The following ARMC8 variants were observed in gnomAD, a reference collection of about 807,000 sequenced individuals.
ARMC8 encodes the protein armadillo repeat containing 8.
ARMC8 carries 20 observed loss-of-function variants against 99.3 expected under a neutral mutation model. The observed-to-expected ratio is 0.20, with a 90% confidence interval of 0.14 to 0.29. The LOEUF is 0.29. Among genes scored for constraint, ARMC8 ranks in the 10% least tolerant of loss-of-function variants. The pLI, the probability that ARMC8 is intolerant of heterozygous loss-of-function variation, is 1.00. For synonymous variants in ARMC8, 263 were observed against 278.3 expected (o/e 0.95, Z 0.55); for missense variants, 569 against 809.5 (o/e 0.70, Z 3.60).
At chr3:138,203,063 A>G (rs889055666) in intron 1 of ARMC8, among the ~76,000 whole-genome samples, 2 of 152,176 alleles carry the variant, frequency 1.3e-5, no homozygotes, top group Non-Finnish European at 2.9e-5. Flanking sequence ...CCTTTTTAGG[A>G]CATCTCACTA....
chr3:138,256,402 C>CTTTTTTTT (rs71146121), intron 12 of ARMC8, among the ~76,000 whole-genome samples: 47 of 90,272 alleles, frequency 5.2e-4, no homozygotes, highest in African/African-American at 1.5e-3. Context: ...TTTCCTCCTT[C>CTTTTTTTT]TTTTTTTTTT....
intron 3 of ARMC8, among the ~76,000 whole-genome samples, chr3:138,222,539 C>A (rs755832094): frequency 6.6e-6 from 1 of 152,146 alleles, no homozygotes; most frequent in Non-Finnish European, 1.5e-5. Flanking sequence ...TACATAACTT[C>A]CTCTTTACTT....
At chr3:138,282,892 A>G (rs1318761749) in intron 18 of ARMC8, among the ~76,000 whole-genome samples, 2 of 152,162 alleles carry the variant, frequency 1.3e-5, no homozygotes, top group African/African-American at 2.4e-5. Flanking sequence ...GCAGATTATT[A>G]TTGATTTCCT....
intron 18 of ARMC8, among the ~76,000 whole-genome samples, chr3:138,280,459 A>G (rs1483677807): frequency 6.7e-6 from 1 of 148,252 alleles, no homozygotes; most frequent in African/African-American, 2.5e-5. Flanking sequence ...CTGGAATTAC[A>G]GGTGCCCACC....
At chr3:138,233,597 A>G (rs1457413037) in intron 6 of ARMC8, among the ~76,000 whole-genome samples, 5 of 152,250 alleles carry the variant, frequency 3.3e-5, no homozygotes, top group Non-Finnish European at 7.3e-5. Context: ...TTAATAATAC[A>G]TAAAATATTT....
chr3:138,271,610 A>G (rs2048793676), intron 16 of ARMC8, among the ~76,000 whole-genome samples: 1 of 152,164 alleles, frequency 6.6e-6, no homozygotes, highest in Non-Finnish European at 1.5e-5. Context: ...TCTCTGCAAA[A>G]TATAAAACCT....
rs1473546297 is a variant in ARMC8, at chr3:138,187,591, G to C, written c.37G>C (p.Val13Leu). The C allele has an allele frequency of 6.5e-7, 1 of 1,535,674 alleles. No homozygotes were observed. Among genetic ancestry groups the C allele is most frequent in the Admixed American group, 2.0e-5 (1 of 50,994 alleles). ...CLLETPIRMSVLSEVTASSRH... is the reference protein window; with the variant it reads ...CLLETPIRMSLLSEVTASSRH... ...GTTGGAGACCCCAATCCGCATGAGC[G>C]TCCTTTCGGTGAGTGACCCGCCGCG... Residue 13 changes from valine (V) to leucine (L), a missense_variant, in exon 1 of 22, where the codon GTC (valine) becomes CTC (leucine). Physicochemically the swap from Val to Leu is conservative, Grantham distance 32. Coordinates refer to ENST00000469044, the MANE Select transcript of ARMC8 (RefSeq NM_001363941.2).
chr3:138,285,855 C>G (rs748936368), intron 19 of ARMC8, among the ~76,000 whole-genome samples: 2 of 152,166 alleles, frequency 1.3e-5, no homozygotes, highest in African/African-American at 4.8e-5. Context: ...AATACTAATC[C>G]ACACTGTATC....
chr3:138,281,650 A>T (rs2049939876), intron 18 of ARMC8, among the ~76,000 whole-genome samples: 1 of 152,106 alleles, frequency 6.6e-6, no homozygotes. Flanking sequence ...GAGGGGTTTT[A>T]TGAGCTTCAA....
intron 21 of ARMC8, among the ~76,000 whole-genome samples, chr3:138,293,687 T>C (rs1480195192): frequency 6.6e-6 from 1 of 152,232 alleles, no homozygotes; most frequent in Non-Finnish European, 1.5e-5. Flanking sequence ...CCTCCACAGC[T>C]GCTGGCATAA....
rs1369862137 is a variant in ARMC8 at position 138,187,521 on chromosome 3, C to T, written c.-34C>T. On this transcript the variant is annotated 5_prime_UTR_variant, in exon 1 of 22. Coordinates refer to ENST00000469044, the MANE Select transcript of ARMC8 (RefSeq NM_001363941.2). ...CTGTCGAAAGTGCCGGCCCCCGCGCCGGCGCCTGCAGCAGCCGGGTGGGAA... is the reference window on the plus strand; with the variant it reads ...CTGTCGAAAGTGCCGGCCCCCGCGCTGGCGCCTGCAGCAGCCGGGTGGGAA... The T allele has an allele frequency of 2.0e-6, 3 of 1,535,128 alleles. No individual in the cohort carries two copies. The highest frequency in any genetic ancestry group is 1.4e-5 in the African/African-American group (1 of 73,032).
At chr3:138,245,481 A>T (rs574855187) in intron 12 of ARMC8, 6 of 1,296,444 alleles carry the variant, frequency 4.6e-6, no homozygotes, top group Admixed American at 7.2e-5. Context: ...ATAAAAATCA[A>T]TTCTAGCACT....
intron 1 of ARMC8, among the ~76,000 whole-genome samples, chr3:138,193,316 A>C (rs1024805457): frequency 1.3e-5 from 2 of 151,262 alleles, no homozygotes; most frequent in Non-Finnish European, 2.9e-5. Flanking sequence ...GCTGGAGTGC[A>C]GTGGTGTGAT....
Position 138,222,009 on chromosome 3 carries a change from G to C in ARMC8, c.194+12G>C. 2 of 1,607,382 alleles carry C rather than the reference G, an allele frequency of 1.2e-6. No homozygotes were observed. The highest frequency in any genetic ancestry group is 1.7e-6 in the Non-Finnish European group (2 of 1,174,634). ...GGAGCTGTTCCAAGGTATGTTTGCT[G>C]TCTCACCCCTTTCTTGCCATTCATA... On this transcript the variant is annotated intron_variant, in intron 3 of 21. Transcript: ENST00000469044.
At chr3:138,268,395 G>C (rs1364048273) in intron 15 of ARMC8, among the ~76,000 whole-genome samples, 11 of 152,200 alleles carry the variant, frequency 7.2e-5, no homozygotes, top group African/African-American at 2.7e-4. Flanking sequence ...TCTCTGCCCT[G>C]TAGACGGGGT....
intron 1 of ARMC8, among the ~76,000 whole-genome samples, chr3:138,200,114 C>T (rs1037329640): frequency 1.3e-5 from 2 of 152,170 alleles, no homozygotes; most frequent in Non-Finnish European, 2.9e-5. Context: ...GATAAGTTAA[C>T]TGTCCTCACA....
chr3:138,243,077 T>C (rs2046702703), intron 11 of ARMC8, among the ~76,000 whole-genome samples: 1 of 152,218 alleles, frequency 6.6e-6, no homozygotes, highest in Non-Finnish European at 1.5e-5. Flanking sequence ...CAAAGATACA[T>C]GAGCAACCCT....
At chr3:138,250,863 C>T (rs1284621541) in intron 12 of ARMC8, among the ~76,000 whole-genome samples, 1 of 152,058 alleles carries the variant, frequency 6.6e-6, no homozygotes, top group Non-Finnish European at 1.5e-5. Context: ...CTAAAGATTG[C>T]TGGCTGGGCA....
In ARMC8 at chr3:138,237,548, A is replaced by G. The variant is rs2046395091; in HGVS notation, c.752A>G (p.Glu251Gly). The G allele has an allele frequency of 6.2e-7, 1 of 1,613,248 alleles. No homozygotes were observed. Among genetic ancestry groups the G allele is most frequent in the African/African-American group, 1.3e-5 (1 of 75,044 alleles). Reference protein sequence around the residue: ...VKMLQRDKPIEMQLTSAKCLT... With the variant: ...VKMLQRDKPIGMQLTSAKCLT... ...ATGTTACAGAGGGATAAGCCTATTGAGATGCAGCTCACATCAGCAAAATGG... is the reference window on the plus strand; with the variant it reads ...ATGTTACAGAGGGATAAGCCTATTGGGATGCAGCTCACATCAGCAAAATGG... Residue 251 changes from glutamate to glycine, a missense_variant, in exon 9 of 22, where the codon GAG becomes GGG. This residue lies in a region of ARMC8 where 342 missense variants were observed against 391.6 expected (regional missense o/e 0.87). Coordinates refer to ENST00000469044, the MANE Select transcript of ARMC8 (RefSeq NM_001363941.2).
Sources: allele counts gnomAD v4.1 joint callset (sites outside exome capture counted in the v4.1 genomes callset), GRCh38; gene constraint gnomAD v4.1.1; regional missense constraint gnomAD v4.1.1; transcripts MANE v1.5; gene names NCBI Gene and HGNC (gene_info 2026-07-23, HGNC 2026-07-21).